SGCZ: variants seen among roughly 807,000 people sequenced by gnomAD.
SGCZ encodes the protein zeta-sarcoglycan.
In SGCZ, 40 loss-of-function variants were observed where a neutral mutation model predicts 41.3. The ratio of observed to expected loss-of-function variants is 0.97; its 90% CI spans 0.75 to 1.26. The LOEUF is 1.26. SGCZ is among the 50% of genes most tolerant of loss of function. The pLI, the probability that SGCZ is intolerant of heterozygous loss-of-function variation, is 0.00. For synonymous variants in SGCZ, 206 were observed against 137.5 expected (o/e 1.50, Z -3.49); for missense variants, 552 against 369.8 (o/e 1.49, Z -4.04).
intron 1 of SGCZ, among the ~76,000 whole-genome samples, chr8:14,784,935 AAAT>A (rs1250223695): frequency 5.8e-5 from 4 of 68,528 alleles, no homozygotes; most frequent in African/African-American, 2.0e-4. Context: ...TATATATATA[AAAT>A]ATATATATTT....
chr8:14,250,422 T>C (rs937103266), intron 3 of SGCZ, among the ~76,000 whole-genome samples: 34 of 152,266 alleles, frequency 2.2e-4, no homozygotes, highest in African/African-American at 5.8e-4. Context: ...CTACATTTTC[T>C]AATCTTTTTT....
chr8:14,769,962 A>T (rs1339014328), intron 1 of SGCZ, among the ~76,000 whole-genome samples: 1 of 151,794 alleles, frequency 6.6e-6, no homozygotes, highest in East Asian at 1.9e-4. Flanking sequence ...ATCAGCCAGT[A>T]CAGTATAGGC....
At chr8:14,330,613 G>A (rs970681000) in intron 2 of SGCZ, among the ~76,000 whole-genome samples, 1 of 151,504 alleles carries the variant, frequency 6.6e-6, no homozygotes, top group African/African-American at 2.4e-5. Context: ...TAAAATGACT[G>A]TTTAAATTTA....
Position 14,320,893 on chromosome 8 carries a change from G to A in SGCZ, c.336+3210C>T, listed in dbSNP as rs573189632. 1.1e-4 allele frequency among the ~76,000 whole-genome samples: 16 copies of A among 152,154 alleles called. No homozygotes were observed. The East Asian group carries it at 1.7e-3, about 17-fold the overall frequency. On this transcript the variant is annotated intron_variant, in intron 3 of 7. Coordinates refer to ENST00000382080, the MANE Select transcript of SGCZ (RefSeq NM_139167.4). ...GATAAGAGGTTCTGAAGAACTACAC[G>A]ATGCAAATTTTGCTGGTTAGAAGTA...
At chr8:15,043,640 C>A (rs1053325233) in intron 1 of SGCZ, among the ~76,000 whole-genome samples, 3 of 151,926 alleles carry the variant, frequency 2.0e-5, no homozygotes, top group Admixed American at 1.3e-4. Context: ...ATGTAACAAT[C>A]TTTTCTATAT....
chr8:14,131,276 G>A (rs1241163654), intron 5 of SGCZ, among the ~76,000 whole-genome samples: 1 of 152,120 alleles, frequency 6.6e-6, no homozygotes, highest in Non-Finnish European at 1.5e-5. Context: ...CGCAGCCTTT[G>A]CCACATCATT....
chr8:14,377,849 G>A (rs1016747376), intron 2 of SGCZ, among the ~76,000 whole-genome samples: 4 of 151,786 alleles, frequency 2.6e-5, no homozygotes, highest in Admixed American at 1.3e-4. Context: ...TCCCTACAAA[G>A]GACATGAACT....
chr8:15,061,530 T>TTA (rs1804931407), intron 1 of SGCZ, among the ~76,000 whole-genome samples: 1 of 142,004 alleles, frequency 7.0e-6, no homozygotes, highest in South Asian at 2.2e-4. Context: ...TTACAGTATA[T>TTA]AAAAAAAAAA....
intron 1 of SGCZ, among the ~76,000 whole-genome samples, chr8:14,943,751 C>T (rs1178456750): frequency 1.3e-5 from 2 of 152,074 alleles, no homozygotes; most frequent in Non-Finnish European, 2.9e-5. Context: ...CTCAAGTAGG[C>T]CCTGGTTTCT....
intron 2 of SGCZ, among the ~76,000 whole-genome samples, chr8:14,417,679 T>C (rs1335869745): frequency 3.3e-5 from 5 of 151,890 alleles, no homozygotes; most frequent in African/African-American, 9.7e-5. Context: ...TAATAACGTA[T>C]TGTACTCTTG....
chr8:15,041,043 T>C (rs1363577895), intron 1 of SGCZ, among the ~76,000 whole-genome samples: 1 of 151,952 alleles, frequency 6.6e-6, no homozygotes, highest in African/African-American at 2.4e-5. Flanking sequence ...AAAATATAAG[T>C]TATTGTTTTT....
chr8:14,964,673 A>G (rs1801073977), intron 1 of SGCZ, among the ~76,000 whole-genome samples: 1 of 152,132 alleles, frequency 6.6e-6, no homozygotes, highest in African/African-American at 2.4e-5. Flanking sequence ...TCTTTTTTAA[A>G]TAATTCTGCA....
At chr8:15,169,395 A>G (rs111435163) in intron 1 of SGCZ, among the ~76,000 whole-genome samples, 1 of 152,286 alleles carries the variant, frequency 6.6e-6, no homozygotes, top group African/African-American at 2.4e-5. Context: ...AGGGATTCCA[A>G]TAGCGGGTAG....
In SGCZ at chr8:15,207,292, C is replaced by T. The variant is rs12679682; in HGVS notation, c.39+30293G>A. On this transcript the variant is annotated intron_variant, in intron 1 of 7. Coordinates refer to ENST00000382080, the MANE Select transcript of SGCZ (RefSeq NM_139167.4). ...AAAGAAGGCTAGGCTAGATATTTAG[C>T]GGGAATTATTTTCTGGGATGAAGGC... 0.03 allele frequency among the ~76,000 whole-genome samples: 4,583 copies of T among 152,074 alleles called. 457 individuals carry two copies. In the East Asian group the frequency reaches 0.34, roughly 11 times the overall value.
chr8:14,761,149 C>T (rs1016595637), intron 1 of SGCZ, among the ~76,000 whole-genome samples: 2 of 152,100 alleles, frequency 1.3e-5, no homozygotes, highest in Admixed American at 6.6e-5. Context: ...AGTGCTTTCA[C>T]GGTCTTCGCT....
intron 1 of SGCZ, among the ~76,000 whole-genome samples, chr8:14,627,849 T>C (rs1806514527): frequency 6.6e-6 from 1 of 152,106 alleles, no homozygotes; most frequent in Non-Finnish European, 1.5e-5. Flanking sequence ...TGGATGTCTA[T>C]TGACTTATTT....
chr8:15,019,342 T>C (rs1803163474), intron 1 of SGCZ, among the ~76,000 whole-genome samples: 1 of 152,126 alleles, frequency 6.6e-6, no homozygotes, highest in African/African-American at 2.4e-5. Flanking sequence ...AAAGGAAGGA[T>C]AAAGGGCAAC....
intron 3 of SGCZ, among the ~76,000 whole-genome samples, chr8:14,250,651 G>C (rs375780533): frequency 9.9e-5 from 15 of 152,176 alleles, no homozygotes; most frequent in East Asian, 5.8e-4. Context: ...GGATTGTGTA[G>C]TGACAGATAT....
At chr8:14,521,571 T>G (rs1452882725) in intron 2 of SGCZ, among the ~76,000 whole-genome samples, 1 of 152,176 alleles carries the variant, frequency 6.6e-6, no homozygotes, top group African/African-American at 2.4e-5. Flanking sequence ...ACATTTGAGC[T>G]GTTTCCAAAA....
Sources: allele counts gnomAD v4.1 joint callset (sites outside exome capture counted in the v4.1 genomes callset), GRCh38; gene constraint gnomAD v4.1.1; transcripts MANE v1.5; gene names NCBI Gene and HGNC (gene_info 2026-07-23, HGNC 2026-07-21).